Variants in PLCH1 observed in about 807,000 individuals in gnomAD.
PLCH1 encodes the protein 1-phosphatidylinositol 4,5-bisphosphate phosphodiesterase eta-1.
A neutral mutation model predicts 126.7 loss-of-function variants in PLCH1; 60 were observed. The observed-to-expected ratio is 0.47, with a 90% confidence interval of 0.38 to 0.59. The LOEUF is 0.59. PLCH1 is among the 20% of genes least tolerant of loss of function. The probability of loss-of-function intolerance (pLI) is 0.00; values close to 1 mark genes in which losing one functional copy is unlikely to be tolerated. For missense variants in PLCH1, 1,723 were observed against 2,040.0 expected (o/e 0.84, Z 2.99); for synonymous variants, 719 against 734.9 (o/e 0.98, Z 0.35).
chr3:155,605,905 T>C (rs1445438529), intron 2 of PLCH1, among the ~76,000 whole-genome samples: 2 of 152,058 alleles, frequency 1.3e-5, no homozygotes, highest in Non-Finnish European at 2.9e-5. Context: ...CATGTATCTG[T>C]GGCTAAGTCA....
chr3:155,454,831 A>T (rs1051114926), intron 21 of PLCH1, among the ~76,000 whole-genome samples: 6 of 152,350 alleles, frequency 3.9e-5, no homozygotes, highest in African/African-American at 1.4e-4. Flanking sequence ...CCTACAAGGT[A>T]ACTCGACATT....
At chr3:155,512,268 C>A (rs1413084465) in intron 12 of PLCH1, among the ~76,000 whole-genome samples, 1 of 152,140 alleles carries the variant, frequency 6.6e-6, no homozygotes, top group Admixed American at 6.5e-5. Flanking sequence ...TTTGACCTCT[C>A]CCTGAGCACC....
chr3:155,608,709 G>T (rs1240995815), intron 2 of PLCH1, among the ~76,000 whole-genome samples: 4 of 152,138 alleles, frequency 2.6e-5, no homozygotes, highest in Non-Finnish European at 4.4e-5. Flanking sequence ...CACCCAAGGA[G>T]AGTCTGAGCT....
chr3:155,655,440 A>AAAGAAGAAG lies in PLCH1; in HGVS notation c.79+48697_79+48705dup, dbSNP rs3067533. ...AGCAAGAAACTTGTGAGAAAAAAAAAAAGAAGAAGAAGAAGAAGAGAAAAT... is the reference window on the plus strand; with the variant it reads ...AGCAAGAAACTTGTGAGAAAAAAAAAAAGAAGAAGAAGAAGAAGAAGAAGAAGAGAAAAT... On this transcript the variant is annotated intron_variant, in intron 2 of 22. Coordinates refer to ENST00000460012, the MANE Select transcript of PLCH1 (RefSeq NM_014996.4). Among the ~76,000 whole-genome samples the AAAGAAGAAG allele has an allele frequency of 2.7e-3, 404 of 151,142 alleles. 8 individuals carry two copies. The East Asian group carries it at 0.051, about 19-fold the overall frequency.
intron 8 of PLCH1, among the ~76,000 whole-genome samples, chr3:155,557,610 C>T (rs2108483612): frequency 6.6e-6 from 1 of 152,218 alleles, no homozygotes; most frequent in East Asian, 1.9e-4. Flanking sequence ...CATTCGTGGC[C>T]AGGTTCAAAT....
At chr3:155,690,850 C>G (rs1425986916) in intron 2 of PLCH1, among the ~76,000 whole-genome samples, 2 of 152,190 alleles carry the variant, frequency 1.3e-5, no homozygotes, top group Non-Finnish European at 2.9e-5. Context: ...CATCTGAGGA[C>G]CTTGTTAAAA....
chr3:155,473,558 A>C (rs1440124744), intron 21 of PLCH1, among the ~76,000 whole-genome samples: 30 of 151,126 alleles, frequency 2.0e-4, no homozygotes, highest in African/African-American at 6.1e-4. Context: ...CTTTCTTCAC[A>C]GAATTGGAAA....
intron 1 of PLCH1, among the ~76,000 whole-genome samples, chr3:155,708,476 T>C (rs946807005): frequency 2.6e-5 from 4 of 152,182 alleles, no homozygotes; most frequent in Non-Finnish European, 5.9e-5. Context: ...GCTTGCAAGA[T>C]AACACCTCTA....
At chr3:155,568,678 A>C (rs996709724) in intron 6 of PLCH1, among the ~76,000 whole-genome samples, 5 of 152,134 alleles carry the variant, frequency 3.3e-5, no homozygotes, top group African/African-American at 1.2e-4. Flanking sequence ...CAAGCACTAA[A>C]GTTTGCTGAT....
intron 14 of PLCH1, among the ~76,000 whole-genome samples, chr3:155,500,393 T>C (rs1717717434): frequency 6.6e-6 from 1 of 152,160 alleles, no homozygotes; most frequent in South Asian, 2.1e-4. Context: ...GGGCTTAGCA[T>C]CCATCTTCTT....
At chr3:155,501,268 T>C (rs1325821184) in intron 13 of PLCH1, among the ~76,000 whole-genome samples, 1 of 152,194 alleles carries the variant, frequency 6.6e-6, no homozygotes, top group East Asian at 1.9e-4. Context: ...CAGTATGCAC[T>C]CAAATGATCA....
chr3:155,642,528 T>G (rs774635756), intron 2 of PLCH1, among the ~76,000 whole-genome samples: 2 of 152,178 alleles, frequency 1.3e-5, no homozygotes, highest in Non-Finnish European at 2.9e-5. Flanking sequence ...AGCATTTGAA[T>G]TGGTAGATAG....
intron 10 of PLCH1, among the ~76,000 whole-genome samples, chr3:155,549,167 C>T (rs990443474): frequency 1.3e-5 from 2 of 152,176 alleles, no homozygotes; most frequent in African/African-American, 4.8e-5. Context: ...GTCTTTCTGG[C>T]TATTCTTTGC....
intron 2 of PLCH1, among the ~76,000 whole-genome samples, chr3:155,700,186 C>A (rs922838633): frequency 6.6e-6 from 1 of 152,174 alleles, no homozygotes; most frequent in African/African-American, 2.4e-5. Flanking sequence ...GATCCCGTTT[C>A]AGCCTACTTT....
chr3:155,582,479 C>G (rs1336596648), intron 6 of PLCH1, among the ~76,000 whole-genome samples: 1 of 152,006 alleles, frequency 6.6e-6, no homozygotes, highest in African/African-American at 2.4e-5. Context: ...CTCAATAAAG[C>G]CTTTATTAAA....
At chr3:155,678,809 G>A (rs1744289861) in intron 2 of PLCH1, among the ~76,000 whole-genome samples, 1 of 152,064 alleles carries the variant, frequency 6.6e-6, no homozygotes, top group Non-Finnish European at 1.5e-5. Flanking sequence ...GCATACAGTA[G>A]GTACCTTATA....
intron 1 of PLCH1, among the ~76,000 whole-genome samples, chr3:155,713,123 A>G (rs1360804970): frequency 2.0e-5 from 3 of 151,804 alleles, no homozygotes; most frequent in Admixed American, 6.6e-5. Context: ...CCAGAGCAAC[A>G]CTCCACATCC....
At chr3:155,579,800 C>G (rs1276410505) in intron 6 of PLCH1, among the ~76,000 whole-genome samples, 2 of 152,054 alleles carry the variant, frequency 1.3e-5, no homozygotes, top group Non-Finnish European at 2.9e-5. Context: ...AATAGATATC[C>G]ACCTGGAATT....
intron 10 of PLCH1, among the ~76,000 whole-genome samples, chr3:155,548,877 C>A (rs1380700612): frequency 1.3e-5 from 2 of 152,130 alleles, no homozygotes; most frequent in Admixed American, 6.6e-5. Flanking sequence ...TATGTTCCAT[C>A]TTTTCCATGT....
Sources: allele counts gnomAD v4.1 joint callset (sites outside exome capture counted in the v4.1 genomes callset), GRCh38; gene constraint gnomAD v4.1.1; transcripts MANE v1.5; gene names NCBI Gene and HGNC (gene_info 2026-07-23, HGNC 2026-07-21).